Variants in PPP2R2B observed in about 807,000 individuals in gnomAD.
PPP2R2B encodes the protein protein phosphatase 2 regulatory subunit Bbeta.
A neutral mutation model predicts 46.0 loss-of-function variants in PPP2R2B; 5 were observed. The ratio of observed to expected loss-of-function variants is 0.11; its 90% CI spans 0.06 to 0.23. PPP2R2B has a LOEUF of 0.23. Ranked by LOEUF, PPP2R2B falls within the 10% of genes least tolerant of loss-of-function variation. The pLI is 1.00. For missense variants in PPP2R2B, 367 were observed against 575.0 expected, an observed-to-expected ratio of 0.64 and a Z score of 3.70; for synonymous variants, 215 against 206.7, an observed-to-expected ratio of 1.04 and a Z score of -0.34.
In PPP2R2B at chr5:147,078,255, G is replaced by A. The variant is rs76123234; in HGVS notation, c.50+2804C>T. 3.9e-3 allele frequency among the ~76,000 whole-genome samples: 601 copies of A among 152,200 alleles called. 14 individuals are homozygous for A. In the East Asian group the frequency reaches 0.06, roughly 15 times the overall value. On this transcript the variant is annotated intron_variant, in intron 2 of 10. Coordinates refer to the PPP2R2B transcript ENST00000394413. ...TACTTACAAAGTATTGAGCACTGAC[G>A]CCAATGCTGTATCTGTATTATCTTA...
intron 2 of PPP2R2B, among the ~76,000 whole-genome samples, chr5:147,072,586 G>A (rs1171394412): frequency 1.3e-5 from 2 of 152,110 alleles, no homozygotes; most frequent in Non-Finnish European, 2.9e-5. Context: ...CGTAAAATGG[G>A]CTTAAGCTGG....
At chr5:146,788,942 T>C (rs1426420585) in intron 2 of PPP2R2B, among the ~76,000 whole-genome samples, 2 of 152,168 alleles carry the variant, frequency 1.3e-5, no homozygotes, top group Non-Finnish European at 2.9e-5. Context: ...CCCCAGCACC[T>C]GGCACAAACA....
At chr5:146,647,730 G>C (rs1775682986) in intron 6 of PPP2R2B, among the ~76,000 whole-genome samples, 1 of 152,142 alleles carries the variant, frequency 6.6e-6, no homozygotes, top group African/African-American at 2.4e-5. Flanking sequence ...ATGTCACCTA[G>C]ACTGGGGAAG....
intron 1 of PPP2R2B, among the ~76,000 whole-genome samples, chr5:146,934,583 GAAAAAAAAAAAAAAAAAA>G (rs3062352): frequency 7.6e-4 from 24 of 31,504 alleles, no homozygotes; most frequent in African/African-American, 2.5e-3. Context: ...TTTTTCATAA[GAAAAAAAAAAAAAAAAAA>G]AAAAAAAAAA....
rs1757830762 is a variant in PPP2R2B at position 146,814,818 on chromosome 5, CCAAGT to C, written c.70+63179_70+63183del. On this transcript the variant is annotated intron_variant, in intron 2 of 9. Transcript: ENST00000394411. ...AGAGGTATGACAACATGGAAAAACC[CCAAGT>C]CAAAAGTCAAACTGCGCACTTGATC... Among the ~76,000 whole-genome samples the C allele has an allele frequency of 3.3e-5, 5 of 152,262 alleles. No homozygotes were observed. In the South Asian group the frequency reaches 1.0e-3, roughly 32 times the overall value.
intron 2 of PPP2R2B, among the ~76,000 whole-genome samples, chr5:147,075,554 G>A (rs1048717062): frequency 7.2e-5 from 11 of 152,012 alleles, no homozygotes; most frequent in African/African-American, 2.7e-4. Context: ...CCTTCTTGAT[G>A]TTTATACCTT....
At chr5:146,904,745 T>A (rs1485012739) in intron 1 of PPP2R2B, among the ~76,000 whole-genome samples, 1 of 152,160 alleles carries the variant, frequency 6.6e-6, no homozygotes, top group African/African-American at 2.4e-5. Flanking sequence ...AACACAGTGA[T>A]GAACCCAAAG....
At chr5:146,953,036 T>C (rs1171690288) in intron 1 of PPP2R2B, among the ~76,000 whole-genome samples, 1 of 152,158 alleles carries the variant, frequency 6.6e-6, no homozygotes, top group Non-Finnish European at 1.5e-5. Context: ...TGATAAACAA[T>C]ATTTAGAATC....
At chr5:147,062,989 AGG>A (rs1226881346) in intron 2 of PPP2R2B, among the ~76,000 whole-genome samples, 3,526 of 65,134 alleles carry the variant, frequency 0.054, 372 homozygotes, top group African/African-American at 0.17. Context: ...GGAGGGAGGG[AGG>A]GAGGGAGGGG....
At chr5:147,048,460 G>C (rs1756639644) in intron 1 of PPP2R2B, among the ~76,000 whole-genome samples, 1 of 152,148 alleles carries the variant, frequency 6.6e-6, no homozygotes, top group Admixed American at 6.6e-5. Context: ...ACTTAGCACA[G>C]GGCCTGGTAA....
intron 1 of PPP2R2B, among the ~76,000 whole-genome samples, chr5:147,039,334 G>A (rs1277162174): frequency 6.6e-6 from 1 of 152,152 alleles, no homozygotes; most frequent in Non-Finnish European, 1.5e-5. Context: ...CCATGAGGTG[G>A]GTGGCAGTAT....
At chr5:146,779,081 A>G (rs1459484399) in intron 2 of PPP2R2B, among the ~76,000 whole-genome samples, 4 of 152,202 alleles carry the variant, frequency 2.6e-5, no homozygotes, top group Admixed American at 2.0e-4. Context: ...GAGCCAATCC[A>G]TCTGGGAAAT....
chr5:146,642,781 G>T (rs745570717), intron 6 of PPP2R2B, among the ~76,000 whole-genome samples: 8 of 152,140 alleles, frequency 5.3e-5, no homozygotes, highest in Non-Finnish European at 1.0e-4. Flanking sequence ...TTAGGGCCAC[G>T]CATGGTGGCT....
intron 8 of PPP2R2B, among the ~76,000 whole-genome samples, chr5:146,596,234 T>G (rs1771156559): frequency 6.6e-6 from 1 of 152,208 alleles, no homozygotes; most frequent in African/African-American, 2.4e-5. Flanking sequence ...TGGAAAAACT[T>G]GAAAATAGCT....
At chr5:146,783,378 A>T (rs929336232) in intron 2 of PPP2R2B, among the ~76,000 whole-genome samples, 29 of 152,220 alleles carry the variant, frequency 1.9e-4, no homozygotes, top group African/African-American at 7.0e-4. Context: ...TAAAAGATAT[A>T]TGCATTGAAT....
chr5:146,632,195 G>A (rs967697521), intron 7 of PPP2R2B, among the ~76,000 whole-genome samples: 13 of 151,898 alleles, frequency 8.6e-5, no homozygotes, highest in Admixed American at 3.3e-4. Context: ...TAATAGGACT[G>A]GTGTCCTCAT....
chr5:146,954,147 G>A (rs1203200208), intron 1 of PPP2R2B, among the ~76,000 whole-genome samples: 2 of 136,350 alleles, frequency 1.5e-5, no homozygotes, highest in African/African-American at 5.4e-5. Flanking sequence ...TTTTTTTTCA[G>A]TTTGGGGAGC....
intron 2 of PPP2R2B, among the ~76,000 whole-genome samples, chr5:146,762,442 C>T (rs1754224107): frequency 6.6e-6 from 1 of 152,194 alleles, no homozygotes; most frequent in South Asian, 2.1e-4. Flanking sequence ...TAACACAGTT[C>T]CAGGCATACA....
intron 1 of PPP2R2B, among the ~76,000 whole-genome samples, chr5:146,931,015 C>T (rs932061245): frequency 6.6e-6 from 1 of 152,006 alleles, no homozygotes; most frequent in Non-Finnish European, 1.5e-5. Flanking sequence ...ACTGGTGTTC[C>T]AGCTAGTTGC....
Sources: gnomAD v4.1 joint callset for allele counts (sites outside exome capture counted in the v4.1 genomes callset) on GRCh38, gnomAD v4.1.1 for gene constraint, MANE v1.5 for transcripts, NCBI Gene and HGNC (gene_info 2026-07-23, HGNC 2026-07-21) for gene names.